SYT2: variants seen among roughly 807,000 people sequenced by gnomAD.
SYT2 encodes synaptotagmin-2.
In SYT2, 15 loss-of-function variants were observed where a neutral mutation model predicts 39.9. The ratio of observed to expected loss-of-function variants is 0.38; its 90% CI spans 0.25 to 0.58. The LOEUF (loss-of-function observed/expected upper bound fraction) is 0.58, where lower values mean the gene tolerates loss of function less well. Ranked by LOEUF, SYT2 falls within the 20% of genes least tolerant of loss-of-function variation. The pLI, the probability that SYT2 is intolerant of heterozygous loss-of-function variation, is 0.70. For missense variants in SYT2, 389 were observed against 530.3 expected, an observed-to-expected ratio of 0.73 and a Z score of 2.62; for synonymous variants, 181 against 204.5, an observed-to-expected ratio of 0.89 and a Z score of 0.98.
rs1389389827 is a variant in SYT2 at position 202,628,530 on chromosome 1, A to G, written c.-17-22741T>C. On this transcript the variant is annotated intron_variant, in intron 1 of 8. Transcript: ENST00000367268. This position sits in a 1 kb window ranked among gnomAD's most constrained non-coding sequence, Gnocchi z 4.2. Reference sequence around the variant, plus strand: ...GAGATGCCCATTATCACCAACACCTATGACAGCTCATGGTCTCCAGAAACT... The same window carrying G: ...GAGATGCCCATTATCACCAACACCTGTGACAGCTCATGGTCTCCAGAAACT... Among the ~76,000 whole-genome samples the G allele has an allele frequency of 1.3e-5, 2 of 152,140 alleles. No individual in the cohort carries two copies. Among genetic ancestry groups the G allele is most frequent in the Non-Finnish European group, 2.9e-5 (2 of 68,020 alleles).
rs1055516656 is a variant in SYT2, at chr1:202,594,068, C to T, written c.*2689G>A. The T allele has an allele frequency of 6.6e-6, 1 of 152,232 alleles. No individual in the cohort carries two copies. Among genetic ancestry groups the T allele is most frequent in the Non-Finnish European group, 1.5e-5 (1 of 68,118 alleles). The allele number at this position is 152,232 out of a possible 1,614,324, so 9.4% of individuals were successfully genotyped here. ...AGCATGTTCCCACCAAGCCCATGGACCAAGACAGATGCCATCCACTACGTG... is the reference window on the plus strand; with the variant it reads ...AGCATGTTCCCACCAAGCCCATGGATCAAGACAGATGCCATCCACTACGTG... On this transcript the variant is annotated 3_prime_UTR_variant, in exon 9 of 9. Coordinates refer to ENST00000367268, the MANE Select transcript of SYT2 (RefSeq NM_177402.5).
intron 1 of SYT2, among the ~76,000 whole-genome samples, chr1:202,612,807 A>T (rs182049417): frequency 1.3e-5 from 2 of 152,220 alleles, no homozygotes; most frequent in Admixed American, 6.5e-5. Context: ...CAGCTCAGGG[A>T]TCATATCAAC....
At chr1:202,653,852 G>A (rs1466041635) in intron 1 of SYT2, among the ~76,000 whole-genome samples, 3 of 152,178 alleles carry the variant, frequency 2.0e-5, no homozygotes, top group African/African-American at 7.2e-5. Context: ...CTGGGAGCCT[G>A]GGTTCTGGGT....
intron 1 of SYT2, among the ~76,000 whole-genome samples, chr1:202,635,735 G>A (rs1460113955): frequency 6.6e-6 from 1 of 152,152 alleles, no homozygotes; most frequent in African/African-American, 2.4e-5. Context: ...TGCTTGCTTG[G>A]GTATACACAG....
chr1:202,635,041 T>C (rs987610941), intron 1 of SYT2, among the ~76,000 whole-genome samples: 5 of 152,258 alleles, frequency 3.3e-5, no homozygotes, highest in African/African-American at 1.2e-4. Flanking sequence ...ATGTGAATTA[T>C]AGCTCAATAA....
chr1:202,647,992 A>G (rs1047683252), intron 1 of SYT2, among the ~76,000 whole-genome samples: 13 of 152,226 alleles, frequency 8.5e-5, no homozygotes, highest in Non-Finnish European at 1.6e-4. Context: ...TGGGAGTAGA[A>G]TCCTGGTTCT....
intron 1 of SYT2, among the ~76,000 whole-genome samples, chr1:202,606,143 A>C (rs1690699270): frequency 6.6e-6 from 1 of 152,184 alleles, no homozygotes; most frequent in Non-Finnish European, 1.5e-5. Context: ...AGCACTGTGC[A>C]AAACACTTTC....
At chr1:202,633,340 G>A (rs1252340511) in intron 1 of SYT2, among the ~76,000 whole-genome samples, 1 of 152,200 alleles carries the variant, frequency 6.6e-6, no homozygotes, top group African/African-American at 2.4e-5. Flanking sequence ...GACTCCAGAG[G>A]AGCAGGACTC....
chr1:202,600,406 GCAGA>G lies in SYT2; in HGVS notation c.866_869del (p.Val289AlafsTer21), dbSNP rs1408803977. 1 of 1,614,214 alleles carries G rather than the reference GCAGA, an allele frequency of 6.2e-7. No homozygotes were observed. Among genetic ancestry groups the G allele is most frequent in the South Asian group, 1.1e-5 (1 of 91,080 alleles). Reference sequence around the variant, plus strand: ...TCTTGAGGTTCTTAGCCTCCAGGATGCAGACAGTGAGCTTCCCGGCCGTGGGCAC... The same window carrying G: ...TCTTGAGGTTCTTAGCCTCCAGGATGCAGTGAGCTTCCCGGCCGTGGGCAC... On this transcript the variant is annotated frameshift_variant, in exon 7 of 9. Coordinates refer to ENST00000367268, the MANE Select transcript of SYT2 (RefSeq NM_177402.5). LOFTEE classifies it high-confidence loss of function.
intron 4 of SYT2, 133 bp downstream of exon 4, chr1:202,602,866 T>C (rs1572612539): frequency 2.5e-6 from 3 of 1,179,724 alleles, no homozygotes; most frequent in East Asian, 4.8e-5. Flanking sequence ...GGCCCTGCAG[T>C]TTCCAGCCTG....
chr1:202,624,959 CTGTG>C (rs1182273433), intron 1 of SYT2, among the ~76,000 whole-genome samples: 4 of 48,624 alleles, frequency 8.2e-5, no homozygotes, highest in Admixed American at 2.6e-4. Flanking sequence ...TGTGTGGTGT[CTGTG>C]TGTGGCATGT....
At chr1:202,624,269 CAG>C (rs1294597571) in intron 1 of SYT2, among the ~76,000 whole-genome samples, 1 of 134,876 alleles carries the variant, frequency 7.4e-6, no homozygotes, top group Non-Finnish European at 1.6e-5. Context: ...GTGTGGGGGA[CAG>C]TGGGGTGTGT....
At chr1:202,655,362 T>C (rs1692261155) in intron 1 of SYT2, among the ~76,000 whole-genome samples, 1 of 152,144 alleles carries the variant, frequency 6.6e-6, no homozygotes, top group African/African-American at 2.4e-5. Context: ...TACAATGTCA[T>C]TGTGTTCTGG....
Position 202,606,188 on chromosome 1 carries a change from A to G in SYT2, c.-17-399T>C, listed in dbSNP as rs139626720. Among the ~76,000 whole-genome samples, 16 of 152,254 alleles carry G rather than the reference A, an allele frequency of 1.1e-4. No homozygotes were observed. The East Asian group carries it at 3.1e-3, about 29-fold the overall frequency. On this transcript the variant is annotated intron_variant, in intron 1 of 8. Coordinates refer to ENST00000367268, the MANE Select transcript of SYT2 (RefSeq NM_177402.5). ...TTCATCTAATCCAAAAAATAACCTA[A>G]TGGTTTTTATTGGTTCCATTTAACA...
At chr1:202,624,971 TGTGTGGTGTGTGTA>T (rs1429116327) in intron 1 of SYT2, among the ~76,000 whole-genome samples, 8 of 111,732 alleles carry the variant, frequency 7.2e-5, no homozygotes, top group African/African-American at 2.5e-4. Flanking sequence ...GTGTGTGGCA[TGTGTGGTGTGTGTA>T]GTGTGGTGTG....
intron 1 of SYT2, among the ~76,000 whole-genome samples, chr1:202,678,288 A>AAAC (rs1553342248): frequency 6.7e-6 from 1 of 148,950 alleles, no homozygotes; most frequent in East Asian, 1.9e-4. Flanking sequence ...AAAAAAAAAA[A>AAAC]AAAAAAAAAA....
At chr1:202,691,641 C>A (rs1047948393) in intron 1 of SYT2, among the ~76,000 whole-genome samples, 1 of 142,996 alleles carries the variant, frequency 7.0e-6, no homozygotes, top group Admixed American at 7.2e-5. Context: ...TAGAGAAAGA[C>A]CCTGTCTCAA....
chr1:202,612,543 T>TTTTAGCCAATACAACTGGCTAATTTTGTA (rs1690914284), intron 1 of SYT2, among the ~76,000 whole-genome samples: 1 of 152,192 alleles, frequency 6.6e-6, no homozygotes, highest in Non-Finnish European at 1.5e-5. Flanking sequence ...AATTTTTGTA[T>TTTTAGCCAATACAACTGGCTAATTTTGTA]TTTTGTAGAG....
chr1:202,640,147 G>A (rs1170435759), intron 1 of SYT2, among the ~76,000 whole-genome samples: 1 of 152,170 alleles, frequency 6.6e-6, no homozygotes, highest in East Asian at 1.9e-4. Context: ...TACTGAGAAG[G>A]GGAGGTCATC....
Sources: gnomAD v4.1 joint callset for allele counts (sites outside exome capture counted in the v4.1 genomes callset) on GRCh38, gnomAD v4.1.1 for gene constraint, Gnocchi (gnomAD v3.1) non-coding constraint, MANE v1.5 for transcripts, NCBI Gene and HGNC (gene_info 2026-07-23, HGNC 2026-07-21) for gene names.